The following KDM2A variants were observed in gnomAD, a reference collection of about 807,000 sequenced individuals.
The protein encoded by KDM2A is lysine-specific demethylase 2A.
In KDM2A, 3 loss-of-function variants were observed where a neutral mutation model predicts 137.3. The ratio of observed to expected loss-of-function variants is 0.02; its 90% CI spans 0.01 to 0.06. The LOEUF is 0.06. Ranked by LOEUF, KDM2A falls within the 10% of genes least tolerant of loss-of-function variation. The probability of loss-of-function intolerance (pLI) is 1.00; values close to 1 mark genes in which losing one functional copy is unlikely to be tolerated. For synonymous variants in KDM2A, 512 were observed against 541.5 expected, an observed-to-expected ratio of 0.95 and a Z score of 0.76; for missense variants, 738 against 1,510.6, an observed-to-expected ratio of 0.49 and a Z score of 8.48.
chr11:67,205,974 T>G (rs1020844935), intron 5 of KDM2A, among the ~76,000 whole-genome samples: 1 of 152,214 alleles, frequency 6.6e-6, no homozygotes, highest in Non-Finnish European at 1.5e-5. Context: ...GATACTTCCC[T>G]TTTGTTTTTA....
chr11:67,216,900 A>G (rs1384300371), intron 8 of KDM2A, among the ~76,000 whole-genome samples: 1 of 151,492 alleles, frequency 6.6e-6, no homozygotes, highest in Non-Finnish European at 1.5e-5. Flanking sequence ...AGCCTGGGCA[A>G]CAAGAGCAAA....
Position 67,245,103 on chromosome 11 carries a change from G to A in KDM2A, c.1564-86G>A. The A allele has an allele frequency of 6.7e-7, 1 of 1,489,488 alleles. No individual in the cohort carries two copies. The highest frequency in any genetic ancestry group is 1.8e-4 in the Middle Eastern group (1 of 5,684). The allele number at this position is 1,489,488 out of a possible 1,614,324, so 92.3% of individuals were successfully genotyped here. A position where few individuals can be genotyped will look rare whatever the true frequency, so the allele number is the denominator to read the frequency against. ...TCTGGCCATAGTGGGCCAAGCCCCA[G>A]GCTAGGTATGCTACCATGTAATCTT... On this transcript the variant is annotated intron_variant, in intron 13 of 20. Coordinates refer to ENST00000529006, the MANE Select transcript of KDM2A (RefSeq NM_012308.3). The surrounding 1 kb of genome is among the most constrained non-coding windows in gnomAD (Gnocchi z 4.1).
chr11:67,152,315 CAA>C (rs1856410477), intron 2 of KDM2A, among the ~76,000 whole-genome samples: 1 of 149,556 alleles, frequency 6.7e-6, no homozygotes, highest in South Asian at 2.1e-4. Flanking sequence ...CCTGTCTCAA[CAA>C]AAAATTAATT....
intron 12 of KDM2A, among the ~76,000 whole-genome samples, chr11:67,240,784 AGTCT>A (rs1859013425): frequency 6.6e-6 from 1 of 152,092 alleles, no homozygotes; most frequent in Non-Finnish European, 1.5e-5. Flanking sequence ...CCTCAGCTGG[AGTCT>A]GCCTTTTTTG....
At chr11:67,179,940 A>G in intron 2 of KDM2A, 139 bp from the exon 3 acceptor site, 1 of 761,498 alleles carries the variant, frequency 1.3e-6, no homozygotes, top group Non-Finnish European at 2.0e-6. Context: ...ATCTTGAGAG[A>G]AAGAAAAGAT....
chr11:67,145,288 C>T (rs1353852746), intron 2 of KDM2A, among the ~76,000 whole-genome samples: 1 of 151,374 alleles, frequency 6.6e-6, no homozygotes, highest in Non-Finnish European at 1.5e-5. Context: ...AGTTCGAGAC[C>T]AGTCTGGCCA....
chr11:67,152,696 C>G (rs753593892), intron 2 of KDM2A, among the ~76,000 whole-genome samples: 18 of 152,048 alleles, frequency 1.2e-4, no homozygotes, highest in Non-Finnish European at 1.8e-4. Context: ...GCTCCACTGG[C>G]CTGGAACAAC....
At chr11:67,241,562 C>T (rs367632212) in intron 12 of KDM2A, among the ~76,000 whole-genome samples, 10 of 152,254 alleles carry the variant, frequency 6.6e-5, no homozygotes, top group Admixed American at 2.6e-4. Flanking sequence ...TTAGCAATGG[C>T]CCAGACTTGC....
rs910649935 is a variant in KDM2A, at chr11:67,153,066, C to T, written c.43-27013C>T. 4.0e-5 allele frequency among the ~76,000 whole-genome samples: 6 copies of T among 151,852 alleles called. 1 individual carries two copies. Among genetic ancestry groups the T allele is most frequent in the Non-Finnish European group, 8.8e-5 (6 of 67,990 alleles). On this transcript the variant is annotated intron_variant, in intron 2 of 20. Coordinates refer to ENST00000529006, the MANE Select transcript of KDM2A (RefSeq NM_012308.3). Reference sequence around the variant, plus strand: ...ATGGCACGATCTCAGCTCACTGCAACGTCTGCCTCCTGGGTTCAAACCATT... The same window carrying T: ...ATGGCACGATCTCAGCTCACTGCAATGTCTGCCTCCTGGGTTCAAACCATT...
chr11:67,185,628 ACT>A (rs757205865), intron 5 of KDM2A, among the ~76,000 whole-genome samples: 3 of 150,020 alleles, frequency 2.0e-5, no homozygotes, highest in Non-Finnish European at 4.4e-5. Flanking sequence ...GACGAGCGAA[ACT>A]CTGTCGCAAA....
Position 67,254,926 on chromosome 11 carries a change from C to T in KDM2A, c.3360C>T (p.Asn1120=), listed in dbSNP as rs113451915. Residue 1120 remains asparagine (N), a synonymous_variant, in exon 21 of 21, where the codon AAC becomes AAT. Coordinates refer to ENST00000529006, the MANE Select transcript of KDM2A (RefSeq NM_012308.3). The surrounding 1 kb of genome is among the most constrained non-coding windows in gnomAD (Gnocchi z 4.7). ...QTLIYLRRIA[N]VTLIDLRGCK... ...TGATCTACCTACGGCGCATTGCCAA[C>T]GTCACCTTGATCGACCTTCGAGGAT... 5.8e-4 allele frequency: 940 copies of T among 1,614,016 alleles called. 4 individuals are homozygous for T. In the African/African-American group the frequency reaches 0.011, roughly 19 times the overall value.
At chr11:67,218,540 T>C (rs946412796) in intron 9 of KDM2A, among the ~76,000 whole-genome samples, 3 of 147,546 alleles carry the variant, frequency 2.0e-5, no homozygotes, top group Non-Finnish European at 4.5e-5. Flanking sequence ...CATTATGAGA[T>C]TTTTTTTTTT....
chr11:67,206,815 C>T (rs1857819114), intron 5 of KDM2A, among the ~76,000 whole-genome samples: 1 of 152,214 alleles, frequency 6.6e-6, no homozygotes, highest in African/African-American at 2.4e-5. Context: ...TATGCTGACT[C>T]TTGTGGCCTT....
chr11:67,126,573 T>C (rs553249872), intron 2 of KDM2A, among the ~76,000 whole-genome samples: 12 of 152,082 alleles, frequency 7.9e-5, no homozygotes, highest in African/African-American at 2.9e-4. Context: ...CCGGATGTGG[T>C]GGCAGGCGCC....
chr11:67,140,494 G>A (rs1411589831), intron 2 of KDM2A, among the ~76,000 whole-genome samples: 1 of 152,208 alleles, frequency 6.6e-6, no homozygotes, highest in South Asian at 2.1e-4. Context: ...GTTCACTCCT[G>A]TAATCCCAGC....
chr11:67,179,142 A>G (rs1459216318), intron 2 of KDM2A, among the ~76,000 whole-genome samples: 1 of 152,200 alleles, frequency 6.6e-6, no homozygotes, highest in Non-Finnish European at 1.5e-5. Context: ...GCATTTTTCT[A>G]ATGACTAATG....
chr11:67,183,685 A>G (rs1857139383), intron 5 of KDM2A, among the ~76,000 whole-genome samples: 2 of 152,178 alleles, frequency 1.3e-5, no homozygotes, highest in African/African-American at 2.4e-5. Flanking sequence ...GCAGCTGTGC[A>G]TATGTTTCCC....
At chr11:67,191,918 C>T (rs569028744) in intron 5 of KDM2A, among the ~76,000 whole-genome samples, 1 of 152,242 alleles carries the variant, frequency 6.6e-6, no homozygotes, top group East Asian at 1.9e-4. Flanking sequence ...GATGATATGA[C>T]TTTTTTATTT....
chr11:67,141,665 CAAA>C (rs1191493058), intron 2 of KDM2A, among the ~76,000 whole-genome samples: 4 of 63,374 alleles, frequency 6.3e-5, no homozygotes, highest in East Asian at 4.6e-4. Flanking sequence ...AGACTCGTTC[CAAA>C]AAAAAAAAAA....
Sources: allele counts gnomAD v4.1 joint callset (sites outside exome capture counted in the v4.1 genomes callset), GRCh38; gene constraint gnomAD v4.1.1; non-coding constraint Gnocchi (gnomAD v3.1); transcripts MANE v1.5; gene names NCBI Gene and HGNC (gene_info 2026-07-23, HGNC 2026-07-21).